The following YWHAB variants were observed in gnomAD, a reference collection of about 807,000 sequenced individuals.
YWHAB encodes the protein 14-3-3 protein beta/alpha.
Under a neutral mutation model 28.5 loss-of-function variants are expected in YWHAB, and 2 were observed. The ratio of observed to expected loss-of-function variants is 0.07; its 90% confidence interval spans 0.03 to 0.22. The LOEUF (loss-of-function observed/expected upper bound fraction) is 0.22. Among genes scored for constraint, YWHAB ranks in the 10% least tolerant of loss-of-function variants. YWHAB has a pLI of 1.00. For synonymous variants in YWHAB, 103 were observed against 104.7 expected (o/e 0.98, Z 0.10); for missense variants, 148 against 297.1 (o/e 0.50, Z 3.69).
chr20:44,890,500 C>CTT (rs35619333), intron 1 of YWHAB, among the ~76,000 whole-genome samples: 985 of 86,400 alleles, frequency 0.011, 158 homozygotes, highest in African/African-American at 0.028. Context: ...TGGATTCCTA[C>CTT]TTTTTTTTTT....
At chr20:44,898,595 G>A (rs1431021832) in intron 1 of YWHAB, among the ~76,000 whole-genome samples, 1 of 151,366 alleles carries the variant, frequency 6.6e-6, no homozygotes, top group African/African-American at 2.4e-5. Context: ...TGCAACCTCC[G>A]TCTTCCGGGT....
intron 4 of YWHAB, chr20:44,905,439 G>A (rs548979515): frequency 5.7e-4 from 137 of 241,126 alleles, no homozygotes; most frequent in African/African-American, 3.0e-3. Context: ...GCCAAGATTT[G>A]AGGTTATAGT....
chr20:44,890,163 T>C (rs757791457), intron 1 of YWHAB, among the ~76,000 whole-genome samples: 1 of 152,246 alleles, frequency 6.6e-6, no homozygotes, highest in Non-Finnish European at 1.5e-5. Context: ...GCGAACTGAT[T>C]GGACTTCTGA....
intron 1 of YWHAB, among the ~76,000 whole-genome samples, chr20:44,898,421 C>T (rs1414792088): frequency 6.6e-6 from 1 of 151,954 alleles, no homozygotes; most frequent in Non-Finnish European, 1.5e-5. Flanking sequence ...GTGATAAGGC[C>T]CTGTGTGTAG....
At chr20:44,892,708 A>G (rs2066569967) in intron 1 of YWHAB, among the ~76,000 whole-genome samples, 1 of 152,194 alleles carries the variant, frequency 6.6e-6, no homozygotes, top group Non-Finnish European at 1.5e-5. Context: ...TTTTATGTTC[A>G]TTATCTTATT....
intron 1 of YWHAB, among the ~76,000 whole-genome samples, chr20:44,892,886 A>G (rs1002733989): frequency 1.3e-5 from 2 of 152,244 alleles, no homozygotes; most frequent in African/African-American, 4.8e-5. Context: ...AGCTTGGGTA[A>G]TTCCTGACAT....
chr20:44,901,551 T>C lies in YWHAB; in HGVS notation c.18T>C (p.Ser6=), dbSNP rs770953347. 2.5e-6 allele frequency: 4 copies of C among 1,600,192 alleles called. No individual in the cohort carries two copies. In the African/African-American group the frequency reaches 5.4e-5, roughly 21 times the overall value. Residue 6 remains serine, a synonymous_variant, in exon 2 of 6, where the codon AGT becomes AGC. Transcript: ENST00000353703. ...TCTAGGGAATGACAATGGATAAAAG[T>C]GAGCTGGTACAGAAAGCCAAACTCG... The part of the protein sequence containing the change: MTMDK[S]ELVQKAKLAE...
rs1220580864 is a variant in YWHAB at position 44,901,771 on chromosome 20, A to T, written c.238A>T (p.Met80Leu). ...AGAGAGGAATGAGAAGAAGCAGCAG[A>T]TGGGCAAAGAGTACCGTGAGAAGAT... is the stretch of plus-strand genomic sequence containing the variant. ...KTERNEKKQQ[M>L]GKEYREKIEA... The change falls in exon 2 of 6, where the codon ATG becomes TTG. Residue 80 changes from methionine (M) to leucine (L), a missense_variant. Met to Leu is a conservative substitution (Grantham distance 15). This residue lies in a region of YWHAB where 110 missense variants were observed against 177.9 expected (regional missense o/e 0.62). Coordinates refer to ENST00000353703, the MANE Select transcript of YWHAB (RefSeq NM_139323.4). The T allele has an allele frequency of 1.2e-6, 2 of 1,613,374 alleles. No homozygotes were observed. The highest frequency in any genetic ancestry group is 1.7e-5 in the Admixed American group (1 of 60,008).
At chr20:44,888,162 C>A (rs1369016550) in intron 1 of YWHAB, among the ~76,000 whole-genome samples, 1 of 152,246 alleles carries the variant, frequency 6.6e-6, no homozygotes, top group South Asian at 2.1e-4. Context: ...ATGTTATTGA[C>A]CATCTGCATG....
At chr20:44,904,912 A>G (rs1275767588) in intron 3 of YWHAB, 56 bp from the exon 4 acceptor site, 1 of 1,498,714 alleles carries the variant, frequency 6.7e-7, no homozygotes, top group Non-Finnish European at 8.9e-7. Flanking sequence ...AGTTGGTCCA[A>G]TGTGTGATAC....
chr20:44,897,525 A>G (rs541599276), intron 1 of YWHAB, among the ~76,000 whole-genome samples: 1 of 152,180 alleles, frequency 6.6e-6, no homozygotes, highest in Non-Finnish European at 1.5e-5. Context: ...TTTAATGATG[A>G]AGATATTTAT....
At chr20:44,894,337 T>C (rs2066582610) in intron 1 of YWHAB, among the ~76,000 whole-genome samples, 1 of 152,210 alleles carries the variant, frequency 6.6e-6, no homozygotes, top group Admixed American at 6.5e-5. Context: ...CTATAGTCTT[T>C]CAAAAACTTT....
At chr20:44,890,937 C>A (rs2066557823) in intron 1 of YWHAB, among the ~76,000 whole-genome samples, 1 of 152,104 alleles carries the variant, frequency 6.6e-6, no homozygotes, top group African/African-American at 2.4e-5. Flanking sequence ...TTTTAAAAGT[C>A]TTTAAAGAAA....
chr20:44,886,335 C>T (rs1002476270), intron 1 of YWHAB: 6 of 152,384 alleles, frequency 3.9e-5, no homozygotes, highest in African/African-American at 1.4e-4. Context: ...TAGCCCCAGT[C>T]CCCGTGTTTG....
chr20:44,893,562 T>C (rs1707409794), intron 1 of YWHAB, among the ~76,000 whole-genome samples: 1 of 152,136 alleles, frequency 6.6e-6, no homozygotes, highest in Admixed American at 6.5e-5. Context: ...GGGGATATTT[T>C]ACAGAAATAA....
intron 2 of YWHAB, 196 bp downstream of exon 2, chr20:44,902,029 CT>C (rs1601096607): frequency 1.9e-6 from 1 of 514,786 alleles, no homozygotes; most frequent in East Asian, 3.2e-5. Flanking sequence ...TTGTACATCA[CT>C]TCTGAGATAC....
intron 1 of YWHAB, among the ~76,000 whole-genome samples, chr20:44,896,460 A>G (rs1382938590): frequency 2.6e-5 from 4 of 152,244 alleles, no homozygotes; most frequent in Admixed American, 1.3e-4. Flanking sequence ...CATACTTTGT[A>G]TGTAAGAAAA....
intron 4 of YWHAB, chr20:44,905,738 CTG>C (rs2066652138): frequency 1.6e-5 from 5 of 314,196 alleles, no homozygotes; most frequent in African/African-American, 1.1e-4. Flanking sequence ...CCCAGAATGA[CTG>C]TGCTAGGGTT....
intron 1 of YWHAB, 113 bp from the exon 2 acceptor site, chr20:44,901,418 T>C: frequency 2.8e-6 from 3 of 1,066,092 alleles, no homozygotes; most frequent in Non-Finnish European, 4.1e-6. Flanking sequence ...TGGAATGAGA[T>C]GTTTCACATT....
Sources: allele counts gnomAD v4.1 joint callset (sites outside exome capture counted in the v4.1 genomes callset), GRCh38; gene constraint gnomAD v4.1.1; regional missense constraint gnomAD v4.1.1; transcripts MANE v1.5; gene names NCBI Gene and HGNC (gene_info 2026-07-23, HGNC 2026-07-21).